Variants in CDH8 observed in about 807,000 individuals in gnomAD.
CDH8 encodes the protein cadherin-8.
A neutral mutation model predicts 68.1 loss-of-function variants in CDH8; 17 were observed. The observed-to-expected ratio is 0.25, with a 90% CI of 0.17 to 0.37. CDH8 has a LOEUF of 0.37. Ranked by LOEUF, CDH8 falls within the 10% of genes least tolerant of loss-of-function variation. The probability of loss-of-function intolerance (pLI) is 1.00; values close to 1 mark genes in which losing one functional copy is unlikely to be tolerated. For missense variants in CDH8, 763 were observed against 999.3 expected (o/e 0.76, Z 3.19); for synonymous variants, 372 against 365.1 (o/e 1.02, Z -0.21).
chr16:61,647,795 C>T lies in CDH8; in HGVS notation c.*5813G>A, dbSNP rs761594573. 2 of 699,518 alleles carry T rather than the reference C, an allele frequency of 2.9e-6. No individual in the cohort carries two copies. The highest frequency in any genetic ancestry group is 5.2e-6 in the Non-Finnish European group (2 of 382,790). The allele number at this position is 699,518 out of a possible 1,614,324, so 43.3% of individuals were successfully genotyped here. Reference sequence around the variant, plus strand: ...TGACCTCTCATTTCCTTTTCTGGTCCTGACCTCTGAGTTCATTGAAGCCAT... The same window carrying T: ...TGACCTCTCATTTCCTTTTCTGGTCTTGACCTCTGAGTTCATTGAAGCCAT... On this transcript the variant is annotated 3_prime_UTR_variant, in exon 12 of 12. Transcript: ENST00000577390.
intron 10 of CDH8, among the ~76,000 whole-genome samples, chr16:61,696,920 A>G (rs905833705): frequency 8.5e-5 from 13 of 152,104 alleles, no homozygotes; most frequent in African/African-American, 3.1e-4. Context: ...GAAGGAAACA[A>G]TAGACACTGG....
intron 8 of CDH8, among the ~76,000 whole-genome samples, chr16:61,728,881 C>G (rs1467548555): frequency 6.7e-6 from 1 of 150,162 alleles, no homozygotes; most frequent in Admixed American, 6.7e-5. Context: ...CCTAAAAAAA[C>G]TGAAACTCAG....
chr16:61,768,356 C>CCCTG (rs1960667397), intron 8 of CDH8, among the ~76,000 whole-genome samples: 2 of 112,146 alleles, frequency 1.8e-5, no homozygotes. Flanking sequence ...CTCTCTCTCT[C>CCCTG]TCTCTCTCTC....
chr16:61,658,476 A>G (rs1451168582), intron 10 of CDH8, among the ~76,000 whole-genome samples: 1 of 151,950 alleles, frequency 6.6e-6, no homozygotes, highest in Non-Finnish European at 1.5e-5. Context: ...TGAGTTTCTC[A>G]ATGTTAATTA....
At chr16:61,886,545 G>A (rs56102410) in intron 3 of CDH8, among the ~76,000 whole-genome samples, 3,796 of 152,228 alleles carry the variant, frequency 0.025, 158 homozygotes, top group African/African-American at 0.087. Flanking sequence ...TAGATAGATG[G>A]AAGTATCATC....
chr16:61,840,336 T>G (rs748251341), intron 4 of CDH8, among the ~76,000 whole-genome samples: 1 of 152,152 alleles, frequency 6.6e-6, no homozygotes, highest in Non-Finnish European at 1.5e-5. Context: ...GACCAACATT[T>G]ACAAAATAAT....
At chr16:61,796,286 G>A (rs1195223636) in intron 7 of CDH8, among the ~76,000 whole-genome samples, 1 of 152,012 alleles carries the variant, frequency 6.6e-6, no homozygotes, top group African/African-American at 2.4e-5. Context: ...TTTATCTTTA[G>A]AATTGAAGTT....
At chr16:61,914,890 CTG>C (rs2143345911) in intron 2 of CDH8, among the ~76,000 whole-genome samples, 1 of 152,246 alleles carries the variant, frequency 6.6e-6, no homozygotes, top group East Asian at 1.9e-4. Flanking sequence ...CCCGTGAGAC[CTG>C]TGTTAGACTT....
intron 3 of CDH8, among the ~76,000 whole-genome samples, chr16:61,887,564 T>G (rs1351479215): frequency 6.6e-6 from 1 of 152,130 alleles, no homozygotes; most frequent in Non-Finnish European, 1.5e-5. Context: ...TGATGTCTCT[T>G]TGTGTGTCCG....
Position 61,896,310 on chromosome 16 carries a change from C to T in CDH8, c.547+4869G>A, listed in dbSNP as rs142147464. ...TGCCATTTGGGCAAATATATATGTG[C>T]GTTTTGTCTTGACAGCCTGTCAACT... On this transcript the variant is annotated intron_variant, in intron 3 of 11. Coordinates refer to ENST00000577390, the MANE Select transcript of CDH8 (RefSeq NM_001796.5). Among the ~76,000 whole-genome samples the T allele has an allele frequency of 5.8e-3, 884 of 152,304 alleles. 6 individuals carry two copies. Among genetic ancestry groups the T allele is most frequent in the Non-Finnish European group, 0.01 (682 of 68,028 alleles).
intron 4 of CDH8, among the ~76,000 whole-genome samples, chr16:61,847,682 T>C (rs1962839093): frequency 6.6e-6 from 1 of 151,644 alleles, no homozygotes; most frequent in Non-Finnish European, 1.5e-5. Context: ...CATCTAAAGT[T>C]ACTTTTGCCA....
intron 3 of CDH8, among the ~76,000 whole-genome samples, chr16:61,883,220 G>GGGCACTCTGGTATGC: frequency 6.6e-6 from 1 of 152,068 alleles, no homozygotes; most frequent in Non-Finnish European, 1.5e-5. Flanking sequence ...CAAAACAAGA[G>GGGCACTCTGGTATGC]AAACATACCA....
chr16:61,779,422 T>TG, intron 8 of CDH8, among the ~76,000 whole-genome samples: 2 of 132,252 alleles, frequency 1.5e-5, no homozygotes, highest in African/African-American at 5.5e-5. Context: ...TTAATGTTCG[T>TG]TTATGTGTGT....
chr16:61,807,246 C>G, intron 7 of CDH8, among the ~76,000 whole-genome samples: 1 of 148,434 alleles, frequency 6.7e-6, no homozygotes, highest in Non-Finnish European at 1.5e-5. Flanking sequence ...ATGGCATATT[C>G]TCACTCATAG....
At chr16:61,910,111 T>C (rs1964135481) in intron 2 of CDH8, among the ~76,000 whole-genome samples, 1 of 152,140 alleles carries the variant, frequency 6.6e-6, no homozygotes, top group African/African-American at 2.4e-5. Context: ...TATTTTTATA[T>C]AAGAACCCAC....
chr16:61,772,400 G>C (rs111818487), intron 8 of CDH8, among the ~76,000 whole-genome samples: 1 of 152,038 alleles, frequency 6.6e-6, no homozygotes, highest in Non-Finnish European at 1.5e-5. Context: ...TCTGAAAAGT[G>C]AGACAAAGCT....
At chr16:61,878,736 T>C (rs557858509) in intron 3 of CDH8, among the ~76,000 whole-genome samples, 1 of 152,310 alleles carries the variant, frequency 6.6e-6, no homozygotes, top group South Asian at 2.1e-4. Context: ...ATCTGCTAGG[T>C]GTCATTTGCT....
At chr16:62,017,896 A>G (rs979151752) in intron 2 of CDH8, among the ~76,000 whole-genome samples, 17 of 151,970 alleles carry the variant, frequency 1.1e-4, no homozygotes, top group African/African-American at 4.1e-4. Flanking sequence ...TCACCTCCAC[A>G]CTATACAACA....
chr16:61,683,942 G>A (rs1964057308), intron 10 of CDH8, among the ~76,000 whole-genome samples: 1 of 151,962 alleles, frequency 6.6e-6, no homozygotes. Context: ...CACCCTAGAA[G>A]GAAGAGCAGG....
Sources: allele counts gnomAD v4.1 joint callset (sites outside exome capture counted in the v4.1 genomes callset), GRCh38; gene constraint gnomAD v4.1.1; transcripts MANE v1.5; gene names NCBI Gene and HGNC (gene_info 2026-07-23, HGNC 2026-07-21).